The following ROBO2 variants were observed in gnomAD, a reference collection of about 807,000 sequenced individuals.
ROBO2 encodes roundabout guidance receptor 2.
In ROBO2, 53 loss-of-function variants were observed where a neutral mutation model predicts 160.8. The observed-to-expected ratio is 0.33, with a 90% CI of 0.26 to 0.41. The LOEUF is 0.41. Ranked by LOEUF, ROBO2 falls within the 10% of genes least tolerant of loss-of-function variation. The pLI is 1.00. For synonymous variants in ROBO2, 664 were observed against 611.7 expected, an observed-to-expected ratio of 1.09 and a Z score of -1.26; for missense variants, 1,577 against 1,722.4, an observed-to-expected ratio of 0.92 and a Z score of 1.49.
At chr3:77,229,375 G>A (rs999204098) in intron 2 of ROBO2, among the ~76,000 whole-genome samples, 1 of 152,010 alleles carries the variant, frequency 6.6e-6, no homozygotes, top group Non-Finnish European at 1.5e-5. Flanking sequence ...GGAGGCTTAA[G>A]GACATTAAAG....
chr3:77,406,075 G>A (rs895283037), intron 2 of ROBO2, among the ~76,000 whole-genome samples: 9 of 152,196 alleles, frequency 5.9e-5, no homozygotes, highest in African/African-American at 1.9e-4. Flanking sequence ...GGCTGTGGAG[G>A]CCTCAGGAAA....
At chr3:77,277,177 TTTC>T (rs769709507) in intron 2 of ROBO2, among the ~76,000 whole-genome samples, 7 of 102,422 alleles carry the variant, frequency 6.8e-5, no homozygotes, top group Non-Finnish European at 2.0e-5. Context: ...TCTTTCTTTC[TTTC>T]TTTCTTTCTT....
chr3:76,694,192 A>G (rs1204311906), intron 2 of ROBO2, among the ~76,000 whole-genome samples: 1 of 152,224 alleles, frequency 6.6e-6, no homozygotes, highest in African/African-American at 2.4e-5. Context: ...ATGCTTGCAT[A>G]CTACTGAATG....
At chr3:77,534,897 G>A (rs760498941) in intron 6 of ROBO2, among the ~76,000 whole-genome samples, 7 of 152,266 alleles carry the variant, frequency 4.6e-5, no homozygotes, top group East Asian at 1.9e-4. Flanking sequence ...TGTTGGTGCA[G>A]TTAATTGATA....
chr3:76,137,774 G>A (rs937158012), intron 2 of ROBO2, among the ~76,000 whole-genome samples: 40 of 151,762 alleles, frequency 2.6e-4, no homozygotes, highest in African/African-American at 9.2e-4. Context: ...CATCTTCAAA[G>A]CCAACAATTG....
intron 2 of ROBO2, among the ~76,000 whole-genome samples, chr3:77,263,992 C>A (rs1030890110): frequency 6.6e-6 from 1 of 152,042 alleles, no homozygotes; most frequent in Non-Finnish European, 1.5e-5. Context: ...TGGTTCATAG[C>A]GAAACTCAAT....
chr3:77,487,500 A>C (rs546822797), intron 4 of ROBO2, among the ~76,000 whole-genome samples: 1 of 152,328 alleles, frequency 6.6e-6, no homozygotes, highest in Non-Finnish European at 1.5e-5. Context: ...AAAGAAACTA[A>C]TGCAGTCAGG....
At chr3:77,135,567 ATT>A (rs561382499) in intron 2 of ROBO2, among the ~76,000 whole-genome samples, 2 of 145,154 alleles carry the variant, frequency 1.4e-5, no homozygotes, top group East Asian at 4.0e-4. Flanking sequence ...TATCCGGCTA[ATT>A]TTTTTTTTTT....
At chr3:76,466,675 G>T (rs1233654562) in intron 2 of ROBO2, among the ~76,000 whole-genome samples, 1 of 151,698 alleles carries the variant, frequency 6.6e-6, no homozygotes, top group Non-Finnish European at 1.5e-5. Context: ...GAAAGCTCTG[G>T]CTAGCTTTCA....
chr3:77,443,294 CT>C (rs540288460), intron 2 of ROBO2, among the ~76,000 whole-genome samples: 61 of 148,614 alleles, frequency 4.1e-4, no homozygotes, highest in Middle Eastern at 3.4e-3. Context: ...TTATTATTAT[CT>C]TTTTTTTTTC....
chr3:77,585,478 A>G (rs2094021943), intron 16 of ROBO2, among the ~76,000 whole-genome samples: 1 of 152,054 alleles, frequency 6.6e-6, no homozygotes, highest in African/African-American at 2.4e-5. Flanking sequence ...ACTATTTAGC[A>G]TTTCATACAA....
intron 2 of ROBO2, among the ~76,000 whole-genome samples, chr3:77,145,627 T>C (rs12629167): frequency 0.078 from 11,927 of 152,118 alleles, 1,105 homozygotes; most frequent in East Asian, 0.22. Flanking sequence ...AGGGAGCACT[T>C]TTCTTGGTTT....
intron 2 of ROBO2, among the ~76,000 whole-genome samples, chr3:76,234,050 C>G (rs1704785938): frequency 6.6e-6 from 1 of 152,196 alleles, no homozygotes; most frequent in Non-Finnish European, 1.5e-5. Context: ...TTAACTCCCA[C>G]TTATAAGTGA....
chr3:76,678,961 A>G (rs2092483824), intron 2 of ROBO2, among the ~76,000 whole-genome samples: 1 of 152,180 alleles, frequency 6.6e-6, no homozygotes, highest in Non-Finnish European at 1.5e-5. Context: ...TATTGTTGTC[A>G]TATTTAGGCT....
chr3:76,578,135 T>G (rs544657213), intron 2 of ROBO2, among the ~76,000 whole-genome samples: 1 of 152,244 alleles, frequency 6.6e-6, no homozygotes, highest in South Asian at 2.1e-4. Context: ...ATGCCCCAAT[T>G]TCTTTGTAAA....
chr3:76,374,807 T>G (rs1236888770), intron 2 of ROBO2, among the ~76,000 whole-genome samples: 1 of 152,034 alleles, frequency 6.6e-6, no homozygotes, highest in African/African-American at 2.4e-5. Flanking sequence ...TTTTATGTCT[T>G]GATTCCACTC....
chr3:77,039,127 C>T (rs544785536), upstream of ROBO2, among the ~76,000 whole-genome samples: 16 of 152,268 alleles, frequency 1.1e-4, no homozygotes, highest in South Asian at 1.0e-3. Context: ...TTGGGGATGC[C>T]GCAGGGGGCC....
intron 2 of ROBO2, among the ~76,000 whole-genome samples, chr3:76,934,000 A>C (rs2149070227): frequency 6.6e-6 from 1 of 152,308 alleles, no homozygotes; most frequent in East Asian, 1.9e-4. Context: ...CAAGAATTTA[A>C]TATTCAGTAG....
chr3:76,503,680 T>A (rs2080608482), intron 2 of ROBO2, among the ~76,000 whole-genome samples: 1 of 152,124 alleles, frequency 6.6e-6, no homozygotes, highest in Non-Finnish European at 1.5e-5. Flanking sequence ...TTATGTTAAG[T>A]GAAATAAGCC....
Sources: allele counts gnomAD v4.1 joint callset (sites outside exome capture counted in the v4.1 genomes callset), GRCh38; gene constraint gnomAD v4.1.1; transcripts MANE v1.5; gene names NCBI Gene and HGNC (gene_info 2026-07-23, HGNC 2026-07-21).